The following XPA variants were observed in gnomAD, a reference collection of about 807,000 sequenced individuals.
XPA encodes the protein XPA, DNA damage recognition and repair factor, also known as DNA repair protein complementing XP-A cells.
XPA carries 27 observed loss-of-function variants against 35.7 expected under a neutral mutation model. The ratio of observed to expected loss-of-function variants is 0.76; its 90% CI spans 0.56 to 1.04. The LOEUF is 1.04. XPA is among the 50% of genes least tolerant of loss of function. The probability of loss-of-function intolerance (pLI) is 0.00; values close to 1 mark genes in which losing one functional copy is unlikely to be tolerated. For missense variants in XPA, 354 were observed against 342.7 expected, an observed-to-expected ratio of 1.03 and a Z score of -0.26; for synonymous variants, 133 against 118.4, an observed-to-expected ratio of 1.12 and a Z score of -0.80.
intron 4 of XPA, among the ~76,000 whole-genome samples, chr9:97,686,793 C>T (rs1228267902): frequency 2.6e-5 from 4 of 152,054 alleles, no homozygotes; most frequent in African/African-American, 9.7e-5. Flanking sequence ...CCAGGTGCTA[C>T]TCAGAAGGCT....
chr9:97,656,366 G>A, the XPA span, among the ~76,000 whole-genome samples: 1 of 152,198 alleles, frequency 6.6e-6, no homozygotes, highest in Non-Finnish European at 1.5e-5. Context: ...TGGATCACAT[G>A]ATGTGAGGAG....
the XPA span, among the ~76,000 whole-genome samples, chr9:97,669,172 C>T: frequency 6.6e-6 from 1 of 151,874 alleles, no homozygotes; most frequent in Non-Finnish European, 1.5e-5. Context: ...CTGCTGTTTA[C>T]TTAGTATTCT....
the XPA span, chr9:97,660,855 TA>T: frequency 1.9e-5 from 27 of 1,438,052 alleles, no homozygotes; most frequent in Non-Finnish European, 2.4e-5. Flanking sequence ...AGGAAGAATT[TA>T]AAAAAAATTT....
chr9:97,664,485 T>G, the XPA span: 1 of 1,334,874 alleles, frequency 7.5e-7, no homozygotes, highest in Admixed American at 1.7e-5. Context: ...CCCTAAGAAT[T>G]GATATATGTG....
At position 97,675,493 on chromosome 9, in the gene XPA, C is replaced by A; in HGVS notation, c.768G>T (p.Met256Ile). ...YGPEENLEDDMYRKTCTMCGH... is the reference protein window; with the variant it reads ...YGPEENLEDDIYRKTCTMCGH... ...CACACATAGTACAAGTCTTACGGTA[C>A]ATGTCATCTTCTAGGTTTTCTTCTG... Residue 256 changes from methionine (M) to isoleucine (I), a missense_variant, in exon 6 of 6, where the codon ATG (methionine) becomes ATT (isoleucine). Physicochemically the swap from Met to Ile is conservative, Grantham distance 10 (BLOSUM62 1). Transcript: ENST00000375128. The A allele has an allele frequency of 1.2e-6, 2 of 1,613,906 alleles. No individual in the cohort carries two copies. Among genetic ancestry groups the A allele is most frequent in the Non-Finnish European group, 1.7e-6 (2 of 1,179,946 alleles).
the XPA span, among the ~76,000 whole-genome samples, chr9:97,665,321 G>T: frequency 6.6e-6 from 1 of 152,200 alleles, no homozygotes; most frequent in Non-Finnish European, 1.5e-5. Context: ...ATTGTCCTGA[G>T]TGATTTACGT....
the XPA span, chr9:97,669,745 C>T: frequency 7.4e-7 from 1 of 1,355,962 alleles, no homozygotes; most frequent in South Asian, 1.2e-5. Flanking sequence ...ACACTATTCT[C>T]AGCCACAAAG....
intron 5 of XPA, among the ~76,000 whole-genome samples, chr9:97,680,455 C>A (rs942349330): frequency 6.6e-6 from 1 of 152,134 alleles, no homozygotes; most frequent in Non-Finnish European, 1.5e-5. Context: ...GTGATCTACC[C>A]GCCTCGGCCT....
chr9:97,672,129 A>G (rs1828210775), downstream of XPA: 1 of 152,220 alleles, frequency 6.6e-6, no homozygotes, highest in Non-Finnish European at 1.5e-5. Flanking sequence ...TTTCCTGTAT[A>G]GTACTGATGC....
chr9:97,657,885 G>GCGCTCTCTCTCTCTCTCTCT, the XPA span, among the ~76,000 whole-genome samples: 1 of 114,028 alleles, frequency 8.8e-6, no homozygotes, highest in African/African-American at 3.6e-5. Flanking sequence ...GCCCCGGTAA[G>GCGCTCTCTCTCTCTCTCTCT]CTCTCTCTCT....
At chr9:97,668,050 T>C in the XPA span, among the ~76,000 whole-genome samples, 107 of 152,298 alleles carry the variant, frequency 7.0e-4, no homozygotes, top group African/African-American at 2.4e-3. Flanking sequence ...TTGCTTAAAG[T>C]GGAGAGATCA....
At chr9:97,694,270 A>G (rs1391439586) in intron 1 of XPA, among the ~76,000 whole-genome samples, 1 of 152,248 alleles carries the variant, frequency 6.6e-6, no homozygotes, top group Non-Finnish European at 1.5e-5. Flanking sequence ...GCACGTGTGC[A>G]CCCGGAAATT....
chr9:97,672,328 A>C (rs1228420275), downstream of XPA: 3 of 152,120 alleles, frequency 2.0e-5, no homozygotes, highest in Non-Finnish European at 2.9e-5. Context: ...ATTACATCCC[A>C]AGTTTATGAT....
rs779161471 is a variant in XPA at position 97,697,282 on chromosome 9, GC to G, written c.10del (p.Ala4ProfsTer11). 2.5e-6 allele frequency: 4 copies of G among 1,598,362 alleles called. No individual in the cohort carries two copies. The highest frequency in any genetic ancestry group is 2.5e-6 in the Non-Finnish European group (3 of 1,179,198). The stretch of plus-strand genomic sequence containing the variant: ...CGCCGCCTCCGGCAAAGCCCCGTCG[GC>G]CGCCGCCATCTCTGGCCCACTCCGA... MAA[A>X]DGALPEAAAL... On this transcript the variant is annotated frameshift_variant, in exon 1 of 6. Coordinates refer to ENST00000375128, the MANE Select transcript of XPA (RefSeq NM_000380.4). LOFTEE classifies it high-confidence loss of function.
At chr9:97,662,111 A>T in the XPA span, 4 of 1,613,892 alleles carry the variant, frequency 2.5e-6, no homozygotes, top group South Asian at 1.1e-5. Flanking sequence ...TTGGCAGCCA[A>T]ATCATTCAGC....
intron 5 of XPA, among the ~76,000 whole-genome samples, chr9:97,676,757 A>G (rs1245012627): frequency 6.6e-6 from 1 of 152,212 alleles, no homozygotes; most frequent in African/African-American, 2.4e-5. Context: ...TAAGTTGCTC[A>G]AGGTTATATA....
rs1829077041 is a variant in XPA at position 97,697,161 on chromosome 9, A to G, written c.132T>C (p.Ala44=). The G allele has an allele frequency of 2.5e-6, 4 of 1,575,044 alleles. No homozygotes were observed. Among genetic ancestry groups the G allele is most frequent in the Non-Finnish European group, 3.4e-6 (4 of 1,164,172 alleles). ...RALMLRQARL[A]ARPYSATAAA... ...CCGCCGTCGCCGAGTAGGGCCGGGC[A>G]GCCAGCCGGGCCTGGCGCAGCATCA... The change falls in exon 1 of 6, where the codon GCT becomes GCC. Residue 44 remains alanine (A), a synonymous_variant. Transcript: ENST00000375128.
chr9:97,677,883 T>TA (rs1828416529), intron 5 of XPA, among the ~76,000 whole-genome samples: 1 of 151,942 alleles, frequency 6.6e-6, no homozygotes, highest in Non-Finnish European at 1.5e-5. Context: ...GTAATGGGAA[T>TA]TAGTCACACA....
rs150468671 is a variant in XPA at position 97,684,930 on chromosome 9, T to C, written c.666A>G (p.Lys222=). 6.2e-7 allele frequency: 1 copy of C among 1,612,990 alleles called. No individual in the cohort carries two copies. The highest frequency in any genetic ancestry group is 8.5e-7 in the Non-Finnish European group (1 of 1,179,300). The part of the protein sequence containing the change: ...EKMKQKKFDK[K]VKELRRAVRS... ...TAAAATGTGGCCATCTACCTTTTAC[T>C]TTTTTATCAAATTTCTTCTGTTTCA... is the stretch of plus-strand genomic sequence containing the variant. Residue 222 remains lysine, a synonymous_variant, in exon 5 of 6, where the codon AAA becomes AAG. Transcript: ENST00000375128.
Sources: allele counts gnomAD v4.1 joint callset (sites outside exome capture counted in the v4.1 genomes callset), GRCh38; gene constraint gnomAD v4.1.1; transcripts MANE v1.5; gene names NCBI Gene and HGNC (gene_info 2026-07-23, HGNC 2026-07-21).